Variants in THSD4 observed in about 807,000 individuals in gnomAD.
The protein encoded by THSD4 is thrombospondin type 1 domain containing 4.
In THSD4, 69 loss-of-function variants were observed where a neutral mutation model predicts 119.0. The observed-to-expected ratio is 0.58, with a 90% CI of 0.48 to 0.71. The LOEUF is 0.71. THSD4 is among the 30% of genes least tolerant of loss of function. The pLI, the probability that THSD4 is intolerant of heterozygous loss-of-function variation, is 0.00. For missense variants in THSD4, 1,393 were observed against 1,391.1 expected (o/e 1.00, Z -0.02); for synonymous variants, 524 against 540.4 (o/e 0.97, Z 0.42).
chr15:71,125,680 T>G (rs918227121), intron 1 of THSD4, among the ~76,000 whole-genome samples: 1 of 152,008 alleles, frequency 6.6e-6, no homozygotes, highest in Non-Finnish European at 1.5e-5. Context: ...CAGACCCAGC[T>G]CTCCAGTCAG....
At chr15:71,640,321 T>TC (rs2050833023) in intron 7 of THSD4, among the ~76,000 whole-genome samples, 1 of 151,662 alleles carries the variant, frequency 6.6e-6, no homozygotes, top group South Asian at 2.1e-4. Flanking sequence ...GCTCAAGCGA[T>TC]CCCCCAACCT....
At chr15:71,555,130 C>T (rs1282173785) in intron 7 of THSD4, among the ~76,000 whole-genome samples, 3 of 152,170 alleles carry the variant, frequency 2.0e-5, no homozygotes, top group South Asian at 4.1e-4. Flanking sequence ...CCTCTGATCC[C>T]AGCACTTTGA....
intron 15 of THSD4, among the ~76,000 whole-genome samples, chr15:71,760,604 T>C (rs2053612945): frequency 6.6e-6 from 1 of 152,216 alleles, no homozygotes; most frequent in South Asian, 2.1e-4. Flanking sequence ...TAGATTGTCT[T>C]AGTTCCGGGG....
chr15:71,594,679 C>T (rs527790168), intron 7 of THSD4, among the ~76,000 whole-genome samples: 3 of 152,322 alleles, frequency 2.0e-5, no homozygotes, highest in Admixed American at 6.5e-5. Flanking sequence ...TGCTCCAGAT[C>T]GCTGGTGCTC....
intron 7 of THSD4, among the ~76,000 whole-genome samples, chr15:71,444,252 C>T (rs773475416): frequency 6.6e-6 from 1 of 152,180 alleles, no homozygotes; most frequent in African/African-American, 2.4e-5. Context: ...GATGTTTACA[C>T]TAAGTGCAGA....
intron 7 of THSD4, among the ~76,000 whole-genome samples, chr15:71,479,625 T>C (rs1595808192): frequency 6.6e-6 from 1 of 152,158 alleles, no homozygotes; most frequent in Admixed American, 6.5e-5. Context: ...GGCTGGGCTG[T>C]TTTTTATATG....
chr15:71,271,880 G>A (rs530864808), intron 6 of THSD4, among the ~76,000 whole-genome samples: 39 of 152,162 alleles, frequency 2.6e-4, no homozygotes, highest in African/African-American at 8.7e-4. Context: ...TCAGTCTAGG[G>A]GATGATTTCT....
At chr15:71,558,107 C>A (rs981393423) in intron 7 of THSD4, among the ~76,000 whole-genome samples, 1 of 152,094 alleles carries the variant, frequency 6.6e-6, no homozygotes, top group Non-Finnish European at 1.5e-5. Flanking sequence ...GTGGGCAGAT[C>A]ACTTGAGGTC....
intron 3 of THSD4, chr15:71,185,354 T>C (rs1195292721): frequency 3.3e-5 from 5 of 151,850 alleles, no homozygotes; most frequent in Admixed American, 3.3e-4. Context: ...CCTGTGACAT[T>C]GGTAGTTTGT....
intron 3 of THSD4, among the ~76,000 whole-genome samples, chr15:71,180,932 T>A (rs750025046): frequency 6.6e-6 from 1 of 151,264 alleles, no homozygotes; most frequent in Non-Finnish European, 1.5e-5. Context: ...TATACCTCAA[T>A]TAAAAAAAAA....
chr15:71,229,699 A>G (rs552755951), intron 4 of THSD4, among the ~76,000 whole-genome samples: 1 of 152,182 alleles, frequency 6.6e-6, no homozygotes, highest in African/African-American at 2.4e-5. Flanking sequence ...AATTATTTTT[A>G]TGGATAGGTA....
At chr15:71,694,944 G>T (rs545485421) in intron 8 of THSD4, among the ~76,000 whole-genome samples, 1 of 152,132 alleles carries the variant, frequency 6.6e-6, no homozygotes, top group Admixed American at 6.5e-5. Context: ...GAGGTGTGCC[G>T]AGGAACCAGC....
At chr15:71,174,786 G>C (rs1365805872) in intron 3 of THSD4, among the ~76,000 whole-genome samples, 1 of 151,996 alleles carries the variant, frequency 6.6e-6, no homozygotes, top group African/African-American at 2.4e-5. Flanking sequence ...CGCAGCTGGA[G>C]ATCTGAGAAC....
chr15:71,172,707 AT>A (rs1328728189), intron 3 of THSD4, among the ~76,000 whole-genome samples: 1 of 111,626 alleles, frequency 9.0e-6, no homozygotes, highest in Non-Finnish European at 1.8e-5. Context: ...ATATATATAT[AT>A]ATATATATAT....
At chr15:71,183,215 A>G (rs1427635789) in intron 3 of THSD4, 1 of 151,800 alleles carries the variant, frequency 6.6e-6, no homozygotes, top group Non-Finnish European at 1.5e-5. Context: ...GGGAAATCCC[A>G]TCTGTAAAAC....
In THSD4 at chr15:71,154,772, ATCCACT is replaced by A. The variant is rs2040760154; in HGVS notation, c.30-90_30-85del. The A allele has an allele frequency of 1.2e-5, 16 of 1,302,046 alleles. No individual in the cohort carries two copies. In the South Asian group the frequency reaches 1.8e-4, roughly 15 times the overall value. The allele number at this position is 1,302,046 out of a possible 1,614,324, so 80.7% of individuals were successfully genotyped here. On this transcript the variant is annotated intron_variant, in intron 2 of 17. Transcript: ENST00000261862. The stretch of plus-strand genomic sequence containing the variant: ...GCCTGGGTTGGGCTGTTCCCCCCCC[ATCCACT>A]GATGAGATGGCGATGCTGCCTTCCC...
intron 1 of THSD4, among the ~76,000 whole-genome samples, chr15:71,110,051 T>C (rs2141343434): frequency 6.6e-6 from 1 of 152,318 alleles, no homozygotes; most frequent in Non-Finnish European, 1.5e-5. Context: ...GACAGCAATT[T>C]CAAGCACAAT....
At chr15:71,446,236 A>G (rs890836834) in intron 7 of THSD4, among the ~76,000 whole-genome samples, 6 of 152,148 alleles carry the variant, frequency 3.9e-5, no homozygotes, top group Non-Finnish European at 8.8e-5. Context: ...TCCCGCCATC[A>G]CTTCCTTTCT....
At chr15:71,343,853 C>T (rs918699940) in intron 6 of THSD4, among the ~76,000 whole-genome samples, 1 of 151,378 alleles carries the variant, frequency 6.6e-6, no homozygotes, top group Non-Finnish European at 1.5e-5. Flanking sequence ...GCTGGAACTA[C>T]AGGCATGCAC....
Sources: allele counts gnomAD v4.1 joint callset (sites outside exome capture counted in the v4.1 genomes callset), GRCh38; gene constraint gnomAD v4.1.1; transcripts MANE v1.5; gene names NCBI Gene and HGNC (gene_info 2026-07-23, HGNC 2026-07-21).